LIPI: variants seen among roughly 807,000 people sequenced by gnomAD.
LIPI encodes lipase member I.
Under a neutral mutation model 50.6 loss-of-function variants are expected in LIPI, and 59 were observed. The ratio of observed to expected loss-of-function variants is 1.16; its 90% CI spans 0.94 to 1.45. The LOEUF is 1.45. LIPI is among the 40% of genes most tolerant of loss of function. The probability of loss-of-function intolerance (pLI) is 0.00; values close to 1 mark genes in which losing one functional copy is unlikely to be tolerated. For synonymous variants in LIPI, 203 were observed against 178.2 expected (o/e 1.14, Z -1.11); for missense variants, 586 against 536.3 (o/e 1.09, Z -0.92).
chr21:14,125,511 G>A (rs1006365186), intron 9 of LIPI, among the ~76,000 whole-genome samples: 3 of 152,118 alleles, frequency 2.0e-5, no homozygotes, highest in Admixed American at 6.6e-5. Flanking sequence ...CAGATGGACC[G>A]AACAGAAAAC....
chr21:14,202,146 A>G (rs1326909545), intron 1 of LIPI, among the ~76,000 whole-genome samples: 1 of 152,236 alleles, frequency 6.6e-6, no homozygotes, highest in East Asian at 1.9e-4. Flanking sequence ...GACCTCTTCA[A>G]GAAGAACTAC....
intron 4 of LIPI, among the ~76,000 whole-genome samples, chr21:14,174,502 G>A (rs1265397741): frequency 1.3e-5 from 2 of 150,114 alleles, no homozygotes; most frequent in Admixed American, 1.3e-4. Flanking sequence ...TCCCCTAATC[G>A]CTAACCCATC....
In LIPI at chr21:14,181,833, A is replaced by G. The variant is rs753430316; in HGVS notation, c.568T>C (p.Ser190Pro). ...TGLDPAGPRF[S>P]RKPPYSRLDY... ...AATCTGCTATATGGTGGTTTTCTGG[A>G]GAACCTTGGCCCAGCAGGGTCAAGA... Residue 190 changes from serine to proline, a missense_variant, in exon 4 of 10, where the codon TCC becomes CCC. By Grantham distance (74) the Ser-to-Pro change is moderately conservative. Transcript: ENST00000681601. 1.2e-6 allele frequency: 2 copies of G among 1,612,102 alleles called. No individual in the cohort carries two copies. The highest frequency in any genetic ancestry group is 1.1e-5 in the South Asian group (1 of 90,970).
intron 4 of LIPI, among the ~76,000 whole-genome samples, chr21:14,173,317 G>GA (rs909386391): frequency 6.6e-6 from 1 of 152,228 alleles, no homozygotes; most frequent in African/African-American, 2.4e-5. Context: ...TCACTAACTG[G>GA]AAAAAAATCT....
At chr21:14,163,294 T>G (rs1348170771) in intron 7 of LIPI, 125 bp downstream of exon 7, 7 of 610,866 alleles carry the variant, frequency 1.1e-5, no homozygotes, top group Middle Eastern at 8.8e-4. Context: ...CTATAGCAAA[T>G]TTTAAATTTG....
At chr21:14,173,210 G>A (rs1409126752) in intron 4 of LIPI, among the ~76,000 whole-genome samples, 1 of 152,176 alleles carries the variant, frequency 6.6e-6, no homozygotes, top group African/African-American at 2.4e-5. Flanking sequence ...AGGGAGCTTC[G>A]GAGCAAAGGA....
At chr21:14,188,413 CA>C (rs916497039) in intron 2 of LIPI, among the ~76,000 whole-genome samples, 4 of 151,800 alleles carry the variant, frequency 2.6e-5, no homozygotes, top group African/African-American at 7.3e-5. Context: ...ACTAAAAATA[CA>C]AAAATTAGCT....
At chr21:14,122,713 G>A (rs1375607073) in intron 9 of LIPI, among the ~76,000 whole-genome samples, 3 of 152,208 alleles carry the variant, frequency 2.0e-5, no homozygotes, top group Non-Finnish European at 4.4e-5. Context: ...AAGATTGGTT[G>A]TGTGACTAAC....
intron 1 of LIPI, among the ~76,000 whole-genome samples, chr21:14,198,594 C>A (rs768067386): frequency 1.3e-5 from 2 of 152,104 alleles, no homozygotes; most frequent in African/African-American, 4.8e-5. Flanking sequence ...GTACCCAACA[C>A]AGGAGCACCC....
intron 3 of LIPI, among the ~76,000 whole-genome samples, chr21:14,182,932 T>C (rs1392065934): frequency 2.0e-5 from 3 of 152,168 alleles, no homozygotes; most frequent in Non-Finnish European, 2.9e-5. Context: ...GCCATCCCCA[T>C]CAAGCTACCA....
Position 14,108,982 on chromosome 21 carries a change from A to C in LIPI, c.*11T>G, listed in dbSNP as rs1247814096. 1 of 1,611,330 alleles carries C rather than the reference A, an allele frequency of 6.2e-7. No individual in the cohort carries two copies. Among genetic ancestry groups the C allele is most frequent in the Non-Finnish European group, 8.5e-7 (1 of 1,177,920 alleles). On this transcript the variant is annotated 3_prime_UTR_variant, in exon 10 of 10. Transcript: ENST00000681601. Reference sequence around the variant, plus strand: ...ATTCACAAGCAAGTGCATTTGATGGAAGAAGGCATCTTATGTGTTCTTTGG... The same window carrying C: ...ATTCACAAGCAAGTGCATTTGATGGCAGAAGGCATCTTATGTGTTCTTTGG...
intron 1 of LIPI, among the ~76,000 whole-genome samples, chr21:14,196,516 T>C (rs2019861093): frequency 6.6e-6 from 1 of 152,134 alleles, no homozygotes; most frequent in African/African-American, 2.4e-5. Context: ...ATAAGAAGTA[T>C]GGTGCACCTA....
At chr21:14,115,431 AC>A (rs2016590124) in intron 9 of LIPI, among the ~76,000 whole-genome samples, 1 of 145,166 alleles carries the variant, frequency 6.9e-6, no homozygotes, top group African/African-American at 2.4e-5. Flanking sequence ...CGGGGCTCAG[AC>A]TTTTCTGGAC....
intron 4 of LIPI, among the ~76,000 whole-genome samples, chr21:14,176,359 G>A (rs1042840310): frequency 7.3e-5 from 11 of 151,286 alleles, no homozygotes; most frequent in Non-Finnish European, 1.0e-4. Flanking sequence ...TGTTTCTATC[G>A]TTTAATTCTT....
chr21:14,142,831 A>G (rs1236904079), intron 9 of LIPI, among the ~76,000 whole-genome samples: 2 of 151,882 alleles, frequency 1.3e-5, no homozygotes, highest in African/African-American at 2.4e-5. Context: ...TATAATTAGT[A>G]TATTAACTTA....
At chr21:14,149,323 A>G (rs1265182977) in intron 8 of LIPI, among the ~76,000 whole-genome samples, 1 of 152,170 alleles carries the variant, frequency 6.6e-6, no homozygotes, top group Non-Finnish European at 1.5e-5. Context: ...ATATAGGGGA[A>G]ACCACCCCTG....
intron 7 of LIPI, among the ~76,000 whole-genome samples, chr21:14,154,455 G>T (rs1236414471): frequency 6.6e-6 from 1 of 151,944 alleles, no homozygotes; most frequent in African/African-American, 2.4e-5. Flanking sequence ...CAAGAAAAAC[G>T]TTAAAACCAG....
chr21:14,166,793 G>A (rs1472113804), intron 4 of LIPI, among the ~76,000 whole-genome samples: 1 of 152,148 alleles, frequency 6.6e-6, no homozygotes, highest in African/African-American at 2.4e-5. Context: ...GCAGAAGGCA[G>A]GTGCAGAAGG....
intron 1 of LIPI, among the ~76,000 whole-genome samples, chr21:14,197,745 A>G (rs1352215076): frequency 6.6e-6 from 1 of 152,122 alleles, no homozygotes; most frequent in Non-Finnish European, 1.5e-5. Context: ...AGAGGCCAAC[A>G]TTCAAATTCA....
Sources: gnomAD v4.1 joint callset for allele counts (sites outside exome capture counted in the v4.1 genomes callset) on GRCh38, gnomAD v4.1.1 for gene constraint, MANE v1.5 for transcripts, NCBI Gene and HGNC (gene_info 2026-07-23, HGNC 2026-07-21) for gene names.